Variants in CPA6 observed in about 807,000 individuals in gnomAD.
The protein encoded by CPA6 is carboxypeptidase B.
In CPA6, 58 loss-of-function variants were observed where a neutral mutation model predicts 63.3. That is an observed-to-expected ratio of 0.92 (90% CI 0.74 to 1.14). The LOEUF is 1.14. Among genes scored for constraint, CPA6 ranks in the 50% most tolerant of loss-of-function variants. The pLI is 0.00. For missense variants in CPA6, 565 were observed against 526.6 expected (o/e 1.07, Z -0.71); for synonymous variants, 185 against 179.0 (o/e 1.03, Z -0.27).
chr8:67,722,971 A>AGAAGTTGATTTACGCTC (rs1817529792), intron 1 of CPA6, among the ~76,000 whole-genome samples: 1 of 151,812 alleles, frequency 6.6e-6, no homozygotes, highest in East Asian at 1.9e-4. Context: ...GAAAAACCTA[A>AGAAGTTGATTTACGCTC]ACATACACTA....
chr8:67,680,154 T>C (rs1427841277), intron 1 of CPA6, among the ~76,000 whole-genome samples: 1 of 152,168 alleles, frequency 6.6e-6, no homozygotes, highest in African/African-American at 2.4e-5. Context: ...CTAAAGGTAA[T>C]AATTTATAAA....
At chr8:67,473,164 T>A (rs1000304149) in intron 8 of CPA6, among the ~76,000 whole-genome samples, 1 of 152,246 alleles carries the variant, frequency 6.6e-6, no homozygotes, top group Admixed American at 6.5e-5. Context: ...AAAGGAAAGC[T>A]TTTTGTATTT....
chr8:67,636,601 G>A (rs1436444637), intron 1 of CPA6, among the ~76,000 whole-genome samples: 1 of 151,402 alleles, frequency 6.6e-6, no homozygotes, highest in African/African-American at 2.5e-5. Flanking sequence ...TTAAAAAACT[G>A]TGTGTTTTCA....
chr8:67,428,283 C>G (rs777685732), intron 9 of CPA6, 152 bp from the exon 10 acceptor site: 26 of 529,778 alleles, frequency 4.9e-5, no homozygotes, highest in East Asian at 2.9e-4. Context: ...TTATGTCACA[C>G]GCTACATTTT....
At chr8:67,609,329 T>A (rs1814743811) in intron 2 of CPA6, among the ~76,000 whole-genome samples, 1 of 152,232 alleles carries the variant, frequency 6.6e-6, no homozygotes, top group African/African-American at 2.4e-5. Flanking sequence ...GATTTGATGA[T>A]GAAAAAGAGG....
rs193098449 is a variant in CPA6, at chr8:67,634,477, C to T, written c.117-10226G>A. On this transcript the variant is annotated intron_variant, in intron 1 of 10. Coordinates refer to ENST00000297770, the MANE Select transcript of CPA6 (RefSeq NM_020361.5). ...TTGTGATCAGCCCGCCTCATCCTCCCAAAGTGCTGGGATTACAGGCGTGAG... is the reference window on the plus strand; with the variant it reads ...TTGTGATCAGCCCGCCTCATCCTCCTAAAGTGCTGGGATTACAGGCGTGAG... Among the ~76,000 whole-genome samples the T allele has an allele frequency of 7.6e-3, 1,145 of 151,552 alleles. 14 individuals are homozygous for T. The highest frequency in any genetic ancestry group is 0.02 in the South Asian group (98 of 4,822).
chr8:67,609,121 C>T (rs1814739557), intron 2 of CPA6, among the ~76,000 whole-genome samples: 1 of 152,188 alleles, frequency 6.6e-6, no homozygotes, highest in Admixed American at 6.5e-5. Flanking sequence ...TTCTGTGAGG[C>T]TTGTAGTCTA....
intron 1 of CPA6, among the ~76,000 whole-genome samples, chr8:67,696,840 T>C (rs555081186): frequency 6.6e-6 from 1 of 152,272 alleles, no homozygotes; most frequent in African/African-American, 2.4e-5. Context: ...TCAAGAAGGA[T>C]AGACCAGGGG....
At chr8:67,435,974 G>A (rs1242345698) in intron 8 of CPA6, among the ~76,000 whole-genome samples, 1 of 151,420 alleles carries the variant, frequency 6.6e-6, no homozygotes, top group Non-Finnish European at 1.5e-5. Context: ...CTGGCACAAG[G>A]GGAGCCCCAG....
intron 1 of CPA6, among the ~76,000 whole-genome samples, chr8:67,681,575 T>G (rs1816599720): frequency 6.6e-6 from 1 of 152,232 alleles, no homozygotes. Flanking sequence ...CCATTTTATT[T>G]TTTTTTCAAA....
intron 1 of CPA6, among the ~76,000 whole-genome samples, chr8:67,690,080 GA>G (rs1442423469): frequency 6.6e-6 from 1 of 152,104 alleles, no homozygotes; most frequent in Non-Finnish European, 1.5e-5. Flanking sequence ...CTTCTTTAGA[GA>G]AATGTCTGTG....
intron 1 of CPA6, among the ~76,000 whole-genome samples, chr8:67,722,606 T>C (rs918784729): frequency 6.6e-6 from 1 of 152,190 alleles, no homozygotes; most frequent in Non-Finnish European, 1.5e-5. Context: ...ACTGAGATAC[T>C]AATTTATAAA....
intron 1 of CPA6, among the ~76,000 whole-genome samples, chr8:67,682,117 T>C (rs1253058262): frequency 6.6e-6 from 1 of 151,964 alleles, no homozygotes; most frequent in African/African-American, 2.4e-5. Flanking sequence ...GACCTTAGTG[T>C]TTTTTTTCAA....
At chr8:67,588,991 C>A (rs1024528371) in intron 2 of CPA6, among the ~76,000 whole-genome samples, 2 of 151,938 alleles carry the variant, frequency 1.3e-5, no homozygotes, top group Non-Finnish European at 2.9e-5. Context: ...GTCGTTCATG[C>A]CTGTAATACC....
At chr8:67,541,809 C>T (rs985194485) in intron 2 of CPA6, among the ~76,000 whole-genome samples, 1 of 152,166 alleles carries the variant, frequency 6.6e-6, no homozygotes, top group Non-Finnish European at 1.5e-5. Flanking sequence ...TGCTTTGGCT[C>T]GCCCTCTGTG....
intron 1 of CPA6, among the ~76,000 whole-genome samples, chr8:67,680,038 C>T (rs1816559453): frequency 1.3e-5 from 2 of 152,174 alleles, no homozygotes; most frequent in Admixed American, 1.3e-4. Flanking sequence ...ATTGTCCTTT[C>T]TGAAGATTAG....
rs113610316 is a variant in CPA6 at position 67,580,898 on chromosome 8, C to T, written c.192+43278G>A. Among the ~76,000 whole-genome samples, 113 of 152,172 alleles carry T rather than the reference C, an allele frequency of 7.4e-4. 1 individual carries two copies. The South Asian group carries it at 7.7e-3, about 10-fold the overall frequency. Reference sequence around the variant, plus strand: ...GTCTTATTTAAGGGGAATGTGTTGGCGGTCTTAGTTTTATGGCCCTGAAGT... The same window carrying T: ...GTCTTATTTAAGGGGAATGTGTTGGTGGTCTTAGTTTTATGGCCCTGAAGT... On this transcript the variant is annotated intron_variant, in intron 2 of 10. Transcript: ENST00000297770.
At chr8:67,647,111 A>T (rs1027971424) in intron 1 of CPA6, among the ~76,000 whole-genome samples, 7 of 152,176 alleles carry the variant, frequency 4.6e-5, no homozygotes, top group African/African-American at 1.7e-4. Context: ...TTATCTAAAG[A>T]AGTAAAAGAG....
At chr8:67,626,544 GAAAGT>G (rs1425438251) in intron 1 of CPA6, among the ~76,000 whole-genome samples, 1 of 152,120 alleles carries the variant, frequency 6.6e-6, no homozygotes, top group Admixed American at 6.5e-5. Flanking sequence ...AAGAATAAAA[GAAAGT>G]ACCGGGAAAA....
Sources: gnomAD v4.1 joint callset for allele counts (sites outside exome capture counted in the v4.1 genomes callset) on GRCh38, gnomAD v4.1.1 for gene constraint, MANE v1.5 for transcripts, NCBI Gene and HGNC (gene_info 2026-07-23, HGNC 2026-07-21) for gene names.